The following CCSER1 variants were observed in gnomAD, a reference collection of about 807,000 sequenced individuals.
CCSER1 encodes the protein coiled-coil serine rich protein 1.
Under a neutral mutation model 82.0 loss-of-function variants are expected in CCSER1, and 41 were observed. That is an observed-to-expected ratio of 0.50 (90% confidence interval 0.39 to 0.65). CCSER1 has a LOEUF of 0.65. Among genes scored for constraint, CCSER1 ranks in the 30% least tolerant of loss-of-function variants. The pLI, the probability that CCSER1 is intolerant of heterozygous loss-of-function variation, is 0.00. For synonymous variants in CCSER1, 414 were observed against 383.9 expected (o/e 1.08, Z -0.92); for missense variants, 1,119 against 1,064.2 (o/e 1.05, Z -0.72).
chr4:91,110,456 A>G (rs542193604), intron 10 of CCSER1, among the ~76,000 whole-genome samples: 2 of 152,166 alleles, frequency 1.3e-5, no homozygotes, highest in South Asian at 4.1e-4. Flanking sequence ...TTGAATTAAT[A>G]AGACAGTAGA....
chr4:91,094,081 C>T (rs1234434830), intron 10 of CCSER1, among the ~76,000 whole-genome samples: 3 of 152,166 alleles, frequency 2.0e-5, no homozygotes, highest in East Asian at 3.9e-4. Flanking sequence ...ACTCACAGTC[C>T]TCCAGGTGTC....
Position 90,253,311 on chromosome 4 carries a change from G to A in CCSER1, c.-41-54933G>A, listed in dbSNP as rs114526056. On this transcript the variant is annotated intron_variant, in intron 1 of 10. Coordinates refer to ENST00000509176, the MANE Select transcript of CCSER1 (RefSeq NM_001145065.2). The stretch of plus-strand genomic sequence containing the variant: ...TTTACTGAAATTTTAATTTTTAGTG[G>A]GTTTCAAATTATTGTTGGGTGTCAC... 5.1e-3 allele frequency among the ~76,000 whole-genome samples: 777 copies of A among 152,024 alleles called. 8 individuals are homozygous for A. Among genetic ancestry groups the A allele is most frequent in the African/African-American group, 0.018 (749 of 41,492 alleles).
At chr4:90,770,724 A>G (rs1400630710) in intron 7 of CCSER1, among the ~76,000 whole-genome samples, 2 of 152,052 alleles carry the variant, frequency 1.3e-5, no homozygotes, top group East Asian at 1.9e-4. Flanking sequence ...TCTCACTACA[A>G]TGCTTCATTA....
intron 10 of CCSER1, among the ~76,000 whole-genome samples, chr4:91,173,511 T>G (rs1356049740): frequency 6.6e-6 from 1 of 150,838 alleles, no homozygotes; most frequent in Non-Finnish European, 1.5e-5. Context: ...GGAGAATTGC[T>G]TGAACCCGGG....
intron 6 of CCSER1, among the ~76,000 whole-genome samples, chr4:90,654,763 G>A (rs970041473): frequency 2.0e-5 from 3 of 151,998 alleles, no homozygotes; most frequent in African/African-American, 7.2e-5. Flanking sequence ...TTCTTTGGAG[G>A]CCTATTGCCC....
chr4:90,384,086 G>T (rs997658719), intron 3 of CCSER1, among the ~76,000 whole-genome samples: 1 of 150,212 alleles, frequency 6.7e-6, no homozygotes, highest in African/African-American at 2.4e-5. Flanking sequence ...TCGAACCCTC[G>T]TTTTTTTTGT....
intron 5 of CCSER1, among the ~76,000 whole-genome samples, chr4:90,605,386 T>G (rs1197893442): frequency 1.3e-5 from 2 of 152,198 alleles, no homozygotes; most frequent in Non-Finnish European, 2.9e-5. Context: ...GTTATAAATA[T>G]GGGCCGATAA....
chr4:90,699,513 G>A (rs1560968752), intron 6 of CCSER1, among the ~76,000 whole-genome samples: 2 of 152,102 alleles, frequency 1.3e-5, no homozygotes, highest in Admixed American at 6.6e-5. Context: ...TCAAGACAAG[G>A]TCCATGGCAG....
intron 5 of CCSER1, among the ~76,000 whole-genome samples, chr4:90,487,029 A>G (rs190751010): frequency 4.4e-4 from 67 of 152,258 alleles, no homozygotes; most frequent in African/African-American, 1.5e-3. Context: ...CTCCTGCCTC[A>G]GCCTTCTGAG....
At chr4:91,439,552 A>G (rs1754954967) in intron 10 of CCSER1, among the ~76,000 whole-genome samples, 3 of 152,248 alleles carry the variant, frequency 2.0e-5, no homozygotes, top group South Asian at 4.2e-4. Context: ...GACCATCGAG[A>G]CTAGGAAGAA....
chr4:91,424,298 T>C (rs905340215), intron 10 of CCSER1, among the ~76,000 whole-genome samples: 4 of 151,522 alleles, frequency 2.6e-5, no homozygotes, highest in African/African-American at 9.7e-5. Flanking sequence ...ATTACAGGCG[T>C]GAGCCACCGC....
intron 1 of CCSER1, among the ~76,000 whole-genome samples, chr4:90,302,080 C>T (rs1733247415): frequency 1.3e-5 from 2 of 152,098 alleles, no homozygotes; most frequent in Admixed American, 1.3e-4. Context: ...AAGATTTATT[C>T]ATGGCAGTGA....
intron 1 of CCSER1, among the ~76,000 whole-genome samples, chr4:90,230,998 A>G (rs1421366781): frequency 2.0e-5 from 3 of 152,156 alleles, no homozygotes; most frequent in Admixed American, 1.3e-4. Flanking sequence ...CCAACCAAAA[A>G]GAGTCCAGGA....
chr4:90,663,023 G>A (rs896212239), intron 6 of CCSER1, among the ~76,000 whole-genome samples: 1 of 151,972 alleles, frequency 6.6e-6, no homozygotes, highest in African/African-American at 2.4e-5. Context: ...TTATGTTTTT[G>A]TTCTCTATAA....
chr4:90,346,337 A>G (rs1055300582), intron 3 of CCSER1, among the ~76,000 whole-genome samples: 25 of 151,998 alleles, frequency 1.6e-4, no homozygotes, highest in African/African-American at 5.8e-4. Flanking sequence ...TTAAGCACTT[A>G]TAACCGTGTA....
chr4:90,782,364 G>A (rs532038638), intron 7 of CCSER1, among the ~76,000 whole-genome samples: 1 of 152,182 alleles, frequency 6.6e-6, no homozygotes, highest in Admixed American at 6.5e-5. Flanking sequence ...CTCCTTCTCT[G>A]TGAAAATTAT....
In CCSER1 at chr4:90,849,136, A is replaced by T. The variant is rs994537747; in HGVS notation, c.2094+33291A>T. Among the ~76,000 whole-genome samples, 2 of 152,338 alleles carry T rather than the reference A, an allele frequency of 1.3e-5. 1 individual carries two copies. The highest frequency in any genetic ancestry group is 4.1e-4 in the South Asian group (2 of 4,834). On this transcript the variant is annotated intron_variant, in intron 8 of 10. Coordinates refer to ENST00000509176, the MANE Select transcript of CCSER1 (RefSeq NM_001145065.2). ...GGAATTAACTTTGGAACTGGGTAACAGGCAGAGGTAGGAACTGTTTGGAGG... is the reference window on the plus strand; with the variant it reads ...GGAATTAACTTTGGAACTGGGTAACTGGCAGAGGTAGGAACTGTTTGGAGG...
chr4:91,379,556 C>T (rs138438609), intron 10 of CCSER1, among the ~76,000 whole-genome samples: 16,057 of 152,062 alleles, frequency 0.11, 1,007 homozygotes, highest in Middle Eastern at 0.17. Flanking sequence ...GTTTCTAGTA[C>T]TCTCTGATGG....
intron 3 of CCSER1, among the ~76,000 whole-genome samples, chr4:90,359,583 C>A (rs1423421693): frequency 2.0e-5 from 3 of 151,500 alleles, no homozygotes; most frequent in Admixed American, 2.0e-4. Context: ...ACTGAAAATA[C>A]AAAAATTAGC....
Sources: allele counts gnomAD v4.1 joint callset (sites outside exome capture counted in the v4.1 genomes callset), GRCh38; gene constraint gnomAD v4.1.1; transcripts MANE v1.5; gene names NCBI Gene and HGNC (gene_info 2026-07-23, HGNC 2026-07-21).